NTRK2: variants seen among roughly 807,000 people sequenced by gnomAD.
NTRK2 encodes the protein neurotrophic receptor tyrosine kinase 2, also known as BDNF/NT-3 growth factors receptor.
NTRK2 carries 13 observed loss-of-function variants against 94.5 expected under a neutral mutation model. The observed-to-expected ratio is 0.14, with a 90% CI of 0.09 to 0.22. The LOEUF is 0.22. NTRK2 is among the 10% of genes least tolerant of loss of function. The pLI, the probability that NTRK2 is intolerant of heterozygous loss-of-function variation, is 1.00. For synonymous variants in NTRK2, 372 were observed against 407.4 expected, an observed-to-expected ratio of 0.91 and a Z score of 1.05; for missense variants, 639 against 1,071.2, an observed-to-expected ratio of 0.60 and a Z score of 5.63.
At chr9:84,970,027 C>T (rs1405418964) in intron 17 of NTRK2, among the ~76,000 whole-genome samples, 3 of 152,180 alleles carry the variant, frequency 2.0e-5, no homozygotes. Flanking sequence ...ATTCCAGCTC[C>T]ACCTCTTACT....
chr9:84,675,802 C>T (rs1386389138), intron 2 of NTRK2, among the ~76,000 whole-genome samples: 2 of 152,156 alleles, frequency 1.3e-5, no homozygotes, highest in Non-Finnish European at 2.9e-5. Context: ...GATCTGAGCT[C>T]CACTGTGGCC....
chr9:85,000,546 C>T (rs183484422), intron 17 of NTRK2, among the ~76,000 whole-genome samples: 4 of 152,250 alleles, frequency 2.6e-5, no homozygotes, highest in Admixed American at 1.3e-4. Context: ...CTTCTTTTTA[C>T]TTAATAATAG....
chr9:84,832,134 TGTTACCC>T (rs1239527919), intron 12 of NTRK2, among the ~76,000 whole-genome samples: 1 of 152,212 alleles, frequency 6.6e-6, no homozygotes, highest in Non-Finnish European at 1.5e-5. Context: ...TGTATTCTCT[TGTTACCC>T]GTTTCTCTCC....
chr9:85,018,756 C>T (rs1163746086), intron 17 of NTRK2, among the ~76,000 whole-genome samples: 2 of 152,206 alleles, frequency 1.3e-5, no homozygotes, highest in Non-Finnish European at 2.9e-5. Flanking sequence ...CTGAGGGTGA[C>T]TGTTGCCACC....
chr9:84,713,827 G>C (rs1162604447), intron 6 of NTRK2, among the ~76,000 whole-genome samples: 2 of 150,492 alleles, frequency 1.3e-5, no homozygotes, highest in African/African-American at 4.9e-5. Flanking sequence ...TAGAGGTTTT[G>C]AGAATTTACT....
At chr9:84,871,997 C>A in intron 14 of NTRK2, 1 of 1,527,016 alleles carries the variant, frequency 6.5e-7, no homozygotes, top group Non-Finnish European at 8.8e-7. Flanking sequence ...CAAGACAAAG[C>A]AGTGTGCTCT....
chr9:84,839,657 AT>A (rs1370669707), intron 12 of NTRK2, among the ~76,000 whole-genome samples: 4 of 152,150 alleles, frequency 2.6e-5, no homozygotes, highest in Non-Finnish European at 5.9e-5. Flanking sequence ...TGTGGAGCTG[AT>A]TTCAGAGCCT....
At chr9:84,921,942 C>G (rs1281374433) in intron 14 of NTRK2, among the ~76,000 whole-genome samples, 1 of 152,126 alleles carries the variant, frequency 6.6e-6, no homozygotes, top group Admixed American at 6.5e-5. Context: ...TTCTTTCCAT[C>G]TTAAACTCTT....
Position 84,710,856 on chromosome 9 carries a change from A to G in NTRK2, c.583+65A>G, listed in dbSNP as rs2061379062. On this transcript the variant is annotated intron_variant, in intron 6 of 18. Transcript: ENST00000277120. Reference sequence around the variant, plus strand: ...ATTATTCTCATTGCCTTGGTGCGGTAGTCTGGGAAAATTACCACTACCTGG... The same window carrying G: ...ATTATTCTCATTGCCTTGGTGCGGTGGTCTGGGAAAATTACCACTACCTGG... The G allele has an allele frequency of 3.2e-6, 5 of 1,548,356 alleles. No homozygotes were observed. The Admixed American group carries it at 8.4e-5, about 26-fold the overall frequency.
chr9:85,023,502 T>C lies in NTRK2; in HGVS notation c.*2065T>C, dbSNP rs202109614. The C allele has an allele frequency of 4.3e-6, 1 of 232,490 alleles. No homozygotes were observed. The highest frequency in any genetic ancestry group is 8.5e-6 in the Non-Finnish European group (1 of 117,744). The allele number at this position is 232,490 out of a possible 1,614,324, so 14.4% of individuals were successfully genotyped here. A position where few individuals can be genotyped will look rare whatever the true frequency, so the allele number is the denominator to read the frequency against. ...TAGCAACTGCAGTCAAGCGAGGGAGTTGACAAGATAAACCTTACGTCCATT... is the reference window on the plus strand; with the variant it reads ...TAGCAACTGCAGTCAAGCGAGGGAGCTGACAAGATAAACCTTACGTCCATT... On this transcript the variant is annotated 3_prime_UTR_variant, in exon 19 of 19. Coordinates refer to ENST00000277120, the MANE Select transcript of NTRK2 (RefSeq NM_006180.6).
At chr9:84,993,076 C>G (rs1031151359) in intron 17 of NTRK2, among the ~76,000 whole-genome samples, 2 of 152,018 alleles carry the variant, frequency 1.3e-5, no homozygotes, top group Non-Finnish European at 2.9e-5. Flanking sequence ...TCTTGGCTCC[C>G]TTGATACCAC....
intron 14 of NTRK2, among the ~76,000 whole-genome samples, chr9:84,899,933 G>A (rs549522393): frequency 6.6e-6 from 1 of 152,270 alleles, no homozygotes; most frequent in African/African-American, 2.4e-5. Context: ...GAAAATTCCT[G>A]CCCTACCCAA....
chr9:84,795,959 T>G (rs2133278914), intron 12 of NTRK2, among the ~76,000 whole-genome samples: 1 of 140,710 alleles, frequency 7.1e-6, no homozygotes, highest in East Asian at 2.0e-4. Flanking sequence ...ATTACTTTTC[T>G]TTTTTTTTTT....
At chr9:84,875,357 G>A (rs2076023363) in intron 14 of NTRK2, 2 of 1,060,678 alleles carry the variant, frequency 1.9e-6, no homozygotes, top group African/African-American at 1.6e-5. Context: ...CTCTCATATG[G>A]TAAGTATCAC....
In NTRK2 at chr9:84,744,989, G is replaced by A. The variant is rs769551088; in HGVS notation, c.1212G>A (p.Ala404=). Residue 404 remains alanine, a synonymous_variant, in exon 11 of 19, where the codon GCG becomes GCA. Transcript: ENST00000277120. Reference sequence around the variant, plus strand: ...CCACTTAAGATTATGGAACTGCAGCGAATGACATCGGGGACACCACGAACA... The same window carrying A: ...CCACTTAAGATTATGGAACTGCAGCAAATGACATCGGGGACACCACGAACA... ...DVIYEDYGTA[A]NDIGDTTNRS... 16 of 1,613,446 alleles carry A rather than the reference G, an allele frequency of 9.9e-6. No homozygotes were observed. The highest frequency in any genetic ancestry group is 1.6e-4 in the Middle Eastern group (1 of 6,084).
chr9:84,873,013 A>G, intron 14 of NTRK2: 1 of 1,063,588 alleles, frequency 9.4e-7, no homozygotes, highest in Non-Finnish European at 1.1e-6. Flanking sequence ...AGTACACATG[A>G]GCAAAAATTC....
chr9:84,741,830 G>C, intron 9 of NTRK2, 62 bp from the exon 10 acceptor site: 1 of 1,406,646 alleles, frequency 7.1e-7, no homozygotes, highest in Non-Finnish European at 1.0e-6. Flanking sequence ...GTTGACATAG[G>C]TTAGTAATTT....
At chr9:84,990,324 AT>A (rs1407580539) in intron 17 of NTRK2, among the ~76,000 whole-genome samples, 1 of 152,228 alleles carries the variant, frequency 6.6e-6, no homozygotes, top group African/African-American at 2.4e-5. Context: ...CAAAAATGAC[AT>A]CAGAGGAAAA....
At chr9:84,913,558 T>G (rs2077307245) in intron 14 of NTRK2, among the ~76,000 whole-genome samples, 1 of 152,192 alleles carries the variant, frequency 6.6e-6, no homozygotes, top group South Asian at 2.1e-4. Flanking sequence ...GATATAGTAT[T>G]CTGGACTAAT....
Sources: gnomAD v4.1 joint callset for allele counts (sites outside exome capture counted in the v4.1 genomes callset) on GRCh38, gnomAD v4.1.1 for gene constraint, MANE v1.5 for transcripts, NCBI Gene and HGNC (gene_info 2026-07-23, HGNC 2026-07-21) for gene names.